The following PPARG variants were observed in gnomAD, a reference collection of about 807,000 sequenced individuals.
The protein encoded by PPARG is peroxisome proliferator-activated receptor gamma.
Under a neutral mutation model 39.2 loss-of-function variants are expected in PPARG, and 17 were observed. The ratio of observed to expected loss-of-function variants is 0.43; its 90% CI spans 0.30 to 0.65. PPARG has a LOEUF of 0.65. Among genes scored for constraint, PPARG ranks in the 30% least tolerant of loss-of-function variants. The pLI, the probability that PPARG is intolerant of heterozygous loss-of-function variation, is 0.13. For missense variants in PPARG, 406 were observed against 585.9 expected (o/e 0.69, Z 3.17); for synonymous variants, 223 against 215.7 (o/e 1.03, Z -0.30).
intron 2 of PPARG, among the ~76,000 whole-genome samples, chr3:12,319,997 C>T (rs567032828): frequency 6.6e-6 from 1 of 152,160 alleles, no homozygotes; most frequent in Admixed American, 6.5e-5. Flanking sequence ...GTAACTTACT[C>T]GAGCTAACAG....
At chr3:12,383,623 A>T (rs1283474220) in intron 4 of PPARG, among the ~76,000 whole-genome samples, 1 of 152,214 alleles carries the variant, frequency 6.6e-6, no homozygotes, top group African/African-American at 2.4e-5. Flanking sequence ...AAGGTTCCAC[A>T]ATAAGTTATT....
chr3:12,366,627 T>C (rs560150099), intron 2 of PPARG, among the ~76,000 whole-genome samples: 71 of 152,244 alleles, frequency 4.7e-4, no homozygotes, highest in African/African-American at 1.6e-3. Flanking sequence ...TTTTGTCAAA[T>C]TCTTTTTCTG....
At chr3:12,391,511 G>A (rs1449965303) in intron 4 of PPARG, among the ~76,000 whole-genome samples, 1 of 152,176 alleles carries the variant, frequency 6.6e-6, no homozygotes, top group African/African-American at 2.4e-5. Flanking sequence ...AGGAAAGAAA[G>A]AAGTCAAGAG....
chr3:12,351,281 C>T (rs1414951478), intron 2 of PPARG, among the ~76,000 whole-genome samples: 5 of 152,182 alleles, frequency 3.3e-5, no homozygotes, highest in African/African-American at 1.2e-4. Context: ...AGACACTGAA[C>T]ATGTGGGTCA....
At chr3:12,305,600 T>A (rs2047041175) in intron 1 of PPARG, among the ~76,000 whole-genome samples, 2 of 152,210 alleles carry the variant, frequency 1.3e-5, no homozygotes, top group Admixed American at 1.3e-4. Context: ...ATACAAGAGC[T>A]GGAGTATTTG....
At chr3:12,368,254 T>C (rs2049088769) in intron 2 of PPARG, among the ~76,000 whole-genome samples, 3 of 149,682 alleles carry the variant, frequency 2.0e-5, no homozygotes, top group African/African-American at 7.3e-5. Flanking sequence ...TGAACTCGGC[T>C]CACTGCAACC....
intron 2 of PPARG, among the ~76,000 whole-genome samples, chr3:12,365,521 A>G (rs1436688140): frequency 6.6e-6 from 1 of 152,074 alleles, no homozygotes; most frequent in Non-Finnish European, 1.5e-5. Context: ...CTTTACATTT[A>G]GATCTATGTT....
At chr3:12,388,842 G>GA (rs893572173) in intron 4 of PPARG, among the ~76,000 whole-genome samples, 15 of 151,788 alleles carry the variant, frequency 9.9e-5, no homozygotes, top group African/African-American at 3.6e-4. Context: ...AAAACCAAGT[G>GA]AAAAAAAGGT....
intron 2 of PPARG, among the ~76,000 whole-genome samples, chr3:12,346,093 A>G (rs191413108): frequency 1.3e-5 from 2 of 152,328 alleles, no homozygotes; most frequent in South Asian, 2.1e-4. Context: ...AGTAATTTCA[A>G]AAGTGTTTAG....
chr3:12,290,032 T>C (rs1006602767), intron 1 of PPARG, among the ~76,000 whole-genome samples: 1 of 152,182 alleles, frequency 6.6e-6, no homozygotes, highest in Non-Finnish European at 1.5e-5. Flanking sequence ...TGTCTTCTTG[T>C]GTACTTCACA....
chr3:12,289,926 C>A (rs749938134), intron 1 of PPARG, among the ~76,000 whole-genome samples: 4 of 151,826 alleles, frequency 2.6e-5, no homozygotes, highest in Non-Finnish European at 5.9e-5. Context: ...TATTTGATTC[C>A]AAATAAAGTG....
At chr3:12,376,439 G>A (rs1251052350) in intron 2 of PPARG, among the ~76,000 whole-genome samples, 2 of 152,104 alleles carry the variant, frequency 1.3e-5, no homozygotes, top group East Asian at 1.9e-4. Context: ...AAAAGGAAAA[G>A]CAAGAGGCCC....
At chr3:12,316,630 C>A (rs941496979) in intron 2 of PPARG, among the ~76,000 whole-genome samples, 1 of 151,480 alleles carries the variant, frequency 6.6e-6, no homozygotes, top group Non-Finnish European at 1.5e-5. Context: ...AAAAAAGTAA[C>A]AAGTCTTCAG....
chr3:12,393,084 T>A (rs1281551564), intron 5 of PPARG, among the ~76,000 whole-genome samples: 1 of 152,088 alleles, frequency 6.6e-6, no homozygotes, highest in Non-Finnish European at 1.5e-5. Context: ...AGAATTAAAA[T>A]TTACTTTTGT....
rs142086730 is a variant in PPARG, at chr3:12,320,114, A to G, written c.-9+7661A>G. On this transcript the variant is annotated intron_variant, in intron 2 of 7. Coordinates refer to ENST00000651735, the MANE Select transcript of PPARG (RefSeq NM_138711.6). Reference sequence around the variant, plus strand: ...GCTCCCTTATGCTGCATACAGAGGTATTACATTTTGCAGTAAGGATTGATT... The same window carrying G: ...GCTCCCTTATGCTGCATACAGAGGTGTTACATTTTGCAGTAAGGATTGATT... Among the ~76,000 whole-genome samples the G allele has an allele frequency of 8.6e-3, 1,317 of 152,320 alleles. 15 individuals carry two copies. The highest frequency in any genetic ancestry group is 0.028 in the African/African-American group (1,168 of 41,566).
intron 4 of PPARG, among the ~76,000 whole-genome samples, chr3:12,385,732 C>T (rs1049690609): frequency 2.6e-5 from 4 of 152,102 alleles, no homozygotes; most frequent in African/African-American, 9.7e-5. Flanking sequence ...GTCTATTCAT[C>T]CCTACTTCAG....
chr3:12,293,916 T>A (rs775222100), intron 1 of PPARG, among the ~76,000 whole-genome samples: 3 of 152,232 alleles, frequency 2.0e-5, no homozygotes, highest in Non-Finnish European at 2.9e-5. Flanking sequence ...TAAAATGTCT[T>A]TGAATTTGAA....
rs181842584 is a variant in PPARG, at chr3:12,328,001, G to C, written c.-9+15548G>C. 1,594 of 883,168 alleles carry C rather than the reference G, an allele frequency of 1.8e-3. 25 individuals are homozygous for C. In the Admixed American group the frequency reaches 0.026, roughly 14 times the overall value. 54.7% of individuals were successfully genotyped at this position (883,168 alleles called of 1,614,324 possible). ...TTAAATTCTGTTCTTAGAACCTACT[G>C]TATAGTGATTGAACAGCTAAACAGA... On this transcript the variant is annotated intron_variant, in intron 2 of 7. Transcript: ENST00000651735.
intron 2 of PPARG, among the ~76,000 whole-genome samples, chr3:12,354,753 C>CAAAAAAA (rs71063823): frequency 1.7e-5 from 2 of 116,232 alleles, no homozygotes; most frequent in African/African-American, 6.6e-5. Context: ...GACTCCATCT[C>CAAAAAAA]AAAAAAAAAA....
Sources: gnomAD v4.1 joint callset for allele counts (sites outside exome capture counted in the v4.1 genomes callset) on GRCh38, gnomAD v4.1.1 for gene constraint, MANE v1.5 for transcripts, NCBI Gene and HGNC (gene_info 2026-07-23, HGNC 2026-07-21) for gene names.